The following PPP1R12A variants were observed in gnomAD, a reference collection of about 807,000 sequenced individuals.
PPP1R12A encodes the protein protein phosphatase 1 regulatory subunit 12A, also known as myosin binding subunit.
In PPP1R12A, 19 loss-of-function variants were observed where a neutral mutation model predicts 139.6. That is an observed-to-expected ratio of 0.14 (90% CI 0.09 to 0.20). PPP1R12A has a LOEUF of 0.20. Among genes scored for constraint, PPP1R12A ranks in the 10% least tolerant of loss-of-function variants. The pLI, the probability that PPP1R12A is intolerant of heterozygous loss-of-function variation, is 1.00. For synonymous variants in PPP1R12A, 427 were observed against 420.6 expected (o/e 1.02, Z -0.19); for missense variants, 925 against 1,211.5 (o/e 0.76, Z 3.51).
chr12:79,778,340 T>C lies in PPP1R12A; in HGVS notation c.3006+210A>G, dbSNP rs111867395. The C allele has an allele frequency of 4.9e-3, 1,731 of 352,654 alleles. 34 individuals are homozygous for C. The highest frequency in any genetic ancestry group is 0.034 in the African/African-American group (1,616 of 47,594). The allele number at this position is 352,654 out of a possible 1,614,324, so 21.8% of individuals were successfully genotyped here. A position where few individuals can be genotyped will look rare whatever the true frequency, so the allele number is the denominator to read the frequency against. On this transcript the variant is annotated intron_variant, in intron 24 of 24. Coordinates refer to ENST00000450142, the MANE Select transcript of PPP1R12A (RefSeq NM_002480.3). The stretch of plus-strand genomic sequence containing the variant: ...TATTTTTTATTTTATTTTTGCTCCT[T>C]CTTTTCATAGGTGTTAAGATTTGGG...
chr12:79,820,668 AAAC>A (rs1422578997), intron 8 of PPP1R12A, 103 bp downstream of exon 8: 1 of 1,195,918 alleles, frequency 8.4e-7, no homozygotes, highest in African/African-American at 1.5e-5. Flanking sequence ...GCAGGTATCT[AAAC>A]AAGTAGCAAA....
At chr12:79,882,864 C>T (rs1273245209) in intron 1 of PPP1R12A, among the ~76,000 whole-genome samples, 2 of 152,118 alleles carry the variant, frequency 1.3e-5, no homozygotes, top group Admixed American at 6.5e-5. Flanking sequence ...CTAGGCCAGG[C>T]GCGGTGGCTC....
intron 1 of PPP1R12A, among the ~76,000 whole-genome samples, chr12:79,905,604 C>A (rs1886042403): frequency 6.6e-6 from 1 of 152,140 alleles, no homozygotes; most frequent in African/African-American, 2.4e-5. Context: ...TATATATAGC[C>A]TTAAATTTGA....
At chr12:79,921,700 A>G (rs1887454590) in intron 1 of PPP1R12A, among the ~76,000 whole-genome samples, 1 of 152,256 alleles carries the variant, frequency 6.6e-6, no homozygotes, top group African/African-American at 2.4e-5. Context: ...TGGACATATG[A>G]TAAATGGTGA....
Position 79,935,064 on chromosome 12 carries a change from G to C in PPP1R12A, c.-133C>G, listed in dbSNP as rs1888565402. The stretch of plus-strand genomic sequence containing the variant: ...AGAGGAGGGCTGGGAACCCGGAGCC[G>C]ACGCTCGAGACTTCCAGTATCCCAC... On this transcript the variant is annotated 5_prime_UTR_variant, in exon 1 of 25. Transcript: ENST00000450142. 1 of 1,405,150 alleles carries C rather than the reference G, an allele frequency of 7.1e-7. No homozygotes were observed. The highest frequency in any genetic ancestry group is 9.2e-7 in the Non-Finnish European group (1 of 1,081,872). The allele number at this position is 1,405,150 out of a possible 1,614,324, so 87.0% of individuals were successfully genotyped here. A position where few individuals can be genotyped will look rare whatever the true frequency, so the allele number is the denominator to read the frequency against.
At chr12:79,808,062 TAATTA>T (rs1874076256) in intron 11 of PPP1R12A, among the ~76,000 whole-genome samples, 1 of 151,020 alleles carries the variant, frequency 6.6e-6, no homozygotes, top group African/African-American at 2.4e-5. Flanking sequence ...AAAATAAAAA[TAATTA>T]AATTAAAAAA....
In PPP1R12A at chr12:79,806,186, G is replaced by A. The variant is rs910831712; in HGVS notation, c.1803C>T (p.Ser601=). Residue 601 remains serine (S), a synonymous_variant, in exon 13 of 25, where the codon TCC becomes TCT. Transcript: ENST00000450142. ...CTTACCTGCTTTGTGTGCCTGCTGA[G>A]GAAGAACCCGTTGTAATCTTTGTAG... ...STTTKITTGS[S]SAGTQSSTSN... is the part of the protein sequence containing the mutation. The A allele has an allele frequency of 6.2e-7, 1 of 1,613,776 alleles. No homozygotes were observed. Among genetic ancestry groups the A allele is most frequent in the Admixed American group, 1.7e-5 (1 of 60,004 alleles).
At chr12:79,823,769 AT>A in intron 5 of PPP1R12A, 1 of 153,802 alleles carries the variant, frequency 6.5e-6, no homozygotes, top group Non-Finnish European at 1.4e-5. Flanking sequence ...TAGTTTTTGT[AT>A]TTTTTTGTAG....
At position 79,779,413 on chromosome 12, in the gene PPP1R12A, T is replaced by C; in HGVS notation, c.2956-813A>G. The stretch of plus-strand genomic sequence containing the variant: ...CACTGAAACTATTTCCAAGACACTC[T>C]TTCCCAGATTAATAAATAATGCTGA... On this transcript the variant is annotated intron_variant, in intron 23 of 24. Transcript: ENST00000450142. 2.6e-6 allele frequency: 3 copies of C among 1,132,164 alleles called. No homozygotes were observed. The South Asian group carries it at 3.9e-5, about 15-fold the overall frequency. 70.1% of individuals were successfully genotyped at this position (1,132,164 alleles called of 1,614,324 possible).
chr12:79,788,566 TGA>T, intron 21 of PPP1R12A, 80 bp downstream of exon 21: 1 of 1,286,656 alleles, frequency 7.8e-7, no homozygotes, highest in African/African-American at 1.5e-5. Context: ...CATTTCATTA[TGA>T]GTTTTTAAAA....
chr12:79,928,553 T>C (rs766869384), intron 1 of PPP1R12A, among the ~76,000 whole-genome samples: 3 of 152,228 alleles, frequency 2.0e-5, no homozygotes, highest in Non-Finnish European at 4.4e-5. Context: ...AAGAAAACTA[T>C]GCAGAGAAAT....
chr12:79,895,181 T>TA (rs1885022422), intron 1 of PPP1R12A, among the ~76,000 whole-genome samples: 1 of 152,190 alleles, frequency 6.6e-6, no homozygotes, highest in African/African-American at 2.4e-5. Context: ...TGTAGAGGGC[T>TA]AGCCCATAGG....
intron 22 of PPP1R12A, among the ~76,000 whole-genome samples, chr12:79,784,183 T>G (rs1375595409): frequency 1.3e-5 from 2 of 152,092 alleles, no homozygotes; most frequent in Admixed American, 1.3e-4. Flanking sequence ...GGTGGAAAAG[T>G]TCACAGTAGA....
At chr12:79,856,892 G>A (rs1017177354) in intron 2 of PPP1R12A, among the ~76,000 whole-genome samples, 2 of 152,194 alleles carry the variant, frequency 1.3e-5, no homozygotes, top group African/African-American at 4.8e-5. Context: ...TAGCAGCAAT[G>A]TTTAGGCATA....
At chr12:79,834,647 T>A (rs1469335635) in intron 3 of PPP1R12A, among the ~76,000 whole-genome samples, 2 of 152,142 alleles carry the variant, frequency 1.3e-5, no homozygotes, top group Non-Finnish European at 2.9e-5. Flanking sequence ...ATTTCGGAAA[T>A]GTGAAGTTTA....
At chr12:79,888,207 C>T (rs1884280190) in intron 1 of PPP1R12A, among the ~76,000 whole-genome samples, 1 of 152,046 alleles carries the variant, frequency 6.6e-6, no homozygotes, top group Admixed American at 6.6e-5. Context: ...CACACAACAA[C>T]AAAAAGAGCT....
rs201977462 is a variant in PPP1R12A at position 79,801,345 on chromosome 12, C to CAA, written c.2001-2763_2001-2762dup. On this transcript the variant is annotated intron_variant, in intron 14 of 24. Transcript: ENST00000450142. Reference sequence around the variant, plus strand: ...GGGCAACTAGAGCAAAACTCTGTCTCAAAAAAAAAAAAAAAAAAAAAAAAA... The same window carrying CAA: ...GGGCAACTAGAGCAAAACTCTGTCTCAAAAAAAAAAAAAAAAAAAAAAAAAAA... Among the ~76,000 whole-genome samples the CAA allele has an allele frequency of 5.9e-4, 12 of 20,186 alleles. 2 individuals are homozygous for CAA. Among genetic ancestry groups the CAA allele is most frequent in the African/African-American group, 9.0e-4 (7 of 7,762 alleles). 13.2% of individuals were successfully genotyped at this position (20,186 alleles called of 152,430 possible).
intron 22 of PPP1R12A, chr12:79,782,181 A>G (rs969095374): frequency 5.4e-6 from 1 of 184,864 alleles, no homozygotes; most frequent in African/African-American, 2.3e-5. Context: ...TTCCTTCTGA[A>G]GCTCAAATTC....
rs1565751144 is a variant in PPP1R12A, at chr12:79,808,486, T to C, written c.1547A>G (p.Asn516Ser). 1 of 1,589,276 alleles carries C rather than the reference T, an allele frequency of 6.3e-7. No homozygotes were observed. Among genetic ancestry groups the C allele is most frequent in the Non-Finnish European group, 8.6e-7 (1 of 1,159,498 alleles). ...AAGCAAATCAAAATAAACTCACCTG[T>C]TTTCTTTCTCTTCAATGTCAGATGT... ...ASTSDIEEKE[N>S]RDSSSLRTSS... The change falls in exon 11 of 25, where the codon AAC (asparagine) becomes AGC (serine). Residue 516 changes from asparagine (N) to serine (S), a missense_variant. Around this residue, in one of 4 missense-constraint regions of PPP1R12A, gnomAD observed 403 missense variants for 463.7 expected, o/e 0.87. Coordinates refer to ENST00000450142, the MANE Select transcript of PPP1R12A (RefSeq NM_002480.3).
Sources: gnomAD v4.1 joint callset for allele counts (sites outside exome capture counted in the v4.1 genomes callset) on GRCh38, gnomAD v4.1.1 for gene constraint, gnomAD v4.1.1 regional missense constraint, MANE v1.5 for transcripts, NCBI Gene and HGNC (gene_info 2026-07-23, HGNC 2026-07-21) for gene names.